The following AGAP1 variants were observed in gnomAD, a reference collection of about 807,000 sequenced individuals.
AGAP1 encodes ArfGAP with GTPase domain, ankyrin repeat and PH domain 1.
In AGAP1, 29 loss-of-function variants were observed where a neutral mutation model predicts 105.3. The ratio of observed to expected loss-of-function variants is 0.28; its 90% CI spans 0.21 to 0.38. AGAP1 has a LOEUF of 0.38. Ranked by LOEUF, AGAP1 falls within the 10% of genes least tolerant of loss-of-function variation. The pLI is 1.00. For missense variants in AGAP1, 998 were observed against 1,165.1 expected, an observed-to-expected ratio of 0.86 and a Z score of 2.09; for synonymous variants, 509 against 485.9, an observed-to-expected ratio of 1.05 and a Z score of -0.63.
chr2:235,519,687 T>G (rs1316220569), intron 1 of AGAP1, among the ~76,000 whole-genome samples: 1 of 152,202 alleles, frequency 6.6e-6, no homozygotes, highest in Non-Finnish European at 1.5e-5. Flanking sequence ...CATATATGTA[T>G]GTAGAATAAG....
At chr2:235,715,085 C>T (rs1428738304) in intron 2 of AGAP1, among the ~76,000 whole-genome samples, 1 of 152,230 alleles carries the variant, frequency 6.6e-6, no homozygotes, top group South Asian at 2.1e-4. Context: ...GCGTGAGCCA[C>T]CGTGCCCAGC....
intron 6 of AGAP1, chr2:235,775,678 A>G (rs1955806010): frequency 6.6e-6 from 1 of 152,146 alleles, no homozygotes; most frequent in Non-Finnish European, 1.5e-5. Flanking sequence ...CTAATTTAGT[A>G]ATGATGATAC....
At chr2:235,571,962 A>G (rs866790274) in intron 1 of AGAP1, among the ~76,000 whole-genome samples, 76 of 42,312 alleles carry the variant, frequency 1.8e-3, no homozygotes, top group African/African-American at 5.5e-3. Context: ...GTGTGTGTAT[A>G]CATATATATG....
intron 1 of AGAP1, among the ~76,000 whole-genome samples, chr2:235,516,076 G>T (rs192425310): frequency 9.3e-5 from 13 of 140,434 alleles, no homozygotes; most frequent in African/African-American, 3.2e-4. Flanking sequence ...TGCTGCTGCT[G>T]CTGCTGCTGC....
At chr2:235,940,367 C>T (rs778672849) in intron 12 of AGAP1, among the ~76,000 whole-genome samples, 8 of 152,216 alleles carry the variant, frequency 5.3e-5, no homozygotes, top group Non-Finnish European at 1.0e-4. Context: ...TGCCACTCCC[C>T]ACACCCACTC....
In AGAP1 at chr2:236,055,126, G is replaced by A. The variant is rs2058016631; in HGVS notation, c.2114+5845G>A. Reference sequence around the variant, plus strand: ...GCTCTTCTTTCAATTAAGTTCTCTGGGGCTTAATGGTATGAATAAACTCCT... The same window carrying A: ...GCTCTTCTTTCAATTAAGTTCTCTGAGGCTTAATGGTATGAATAAACTCCT... On this transcript the variant is annotated intron_variant, in intron 16 of 17. Transcript: ENST00000304032. This position sits in a 1 kb window ranked among gnomAD's most constrained non-coding sequence, Gnocchi z 6.2. Among the ~76,000 whole-genome samples the A allele has an allele frequency of 6.6e-6, 1 of 152,108 alleles. No individual in the cohort carries two copies. The highest frequency in any genetic ancestry group is 1.5e-5 in the Non-Finnish European group (1 of 68,032).
chr2:235,566,989 C>T lies in AGAP1; in HGVS notation c.163+72140C>T, dbSNP rs1944367540. Reference sequence around the variant, plus strand: ...TCCCATCCAGCTGCATCACTCCAGTCTCTGCTTCTGTTATCACGTGCCCTC... The same window carrying T: ...TCCCATCCAGCTGCATCACTCCAGTTTCTGCTTCTGTTATCACGTGCCCTC... On this transcript the variant is annotated intron_variant, in intron 1 of 17. Coordinates refer to ENST00000304032, the MANE Select transcript of AGAP1 (RefSeq NM_001037131.3). The surrounding 1 kb of genome is among the most constrained non-coding windows in gnomAD (Gnocchi z 5.2). Among the ~76,000 whole-genome samples the T allele has an allele frequency of 6.6e-6, 1 of 152,204 alleles. No individual in the cohort carries two copies. The highest frequency in any genetic ancestry group is 1.5e-5 in the Non-Finnish European group (1 of 68,036).
At chr2:235,539,335 C>G (rs892127462) in intron 1 of AGAP1, among the ~76,000 whole-genome samples, 2 of 152,192 alleles carry the variant, frequency 1.3e-5, no homozygotes, top group African/African-American at 2.4e-5. Context: ...CTTGACGCAT[C>G]TCAGGTAGAG....
intron 9 of AGAP1, among the ~76,000 whole-genome samples, chr2:235,815,741 A>G (rs573070830): frequency 6.6e-6 from 1 of 152,318 alleles, no homozygotes; most frequent in African/African-American, 2.4e-5. Flanking sequence ...GACTCAAAGT[A>G]CTCCGACTTG....
At chr2:236,084,953 G>A (rs1169943589) in intron 16 of AGAP1, among the ~76,000 whole-genome samples, 1 of 151,908 alleles carries the variant, frequency 6.6e-6, no homozygotes, top group African/African-American at 2.4e-5. Flanking sequence ...GGTGGCTCAC[G>A]CCTGTAATCC....
Position 235,992,878 on chromosome 2 carries a change from T to G in AGAP1, c.1645+24255T>G, listed in dbSNP as rs1162384378. 6.6e-6 allele frequency among the ~76,000 whole-genome samples: 1 copy of G among 152,172 alleles called. No homozygotes were observed. ...TTGCAGTTGAGCTTGTGTTGGCCTC[T>G]TTCCGTCGTGAACCATGGACGTCTC... On this transcript the variant is annotated intron_variant, in intron 13 of 17. Transcript: ENST00000304032. The surrounding 1 kb of genome is among the most constrained non-coding windows in gnomAD (Gnocchi z 4.8).
In AGAP1 at chr2:235,724,196, C is replaced by A. The variant is rs1037966843; in HGVS notation, c.310+6552C>A. On this transcript the variant is annotated intron_variant, in intron 3 of 17. Transcript: ENST00000304032. This position sits in a 1 kb window ranked among gnomAD's most constrained non-coding sequence, Gnocchi z 4.9. ...AAAATTTTAGGCAGAAAGCTAGCTC[C>A]AAGGCTGAGGCAGCCCTGAATGTGC... 6.6e-6 allele frequency among the ~76,000 whole-genome samples: 1 copy of A among 152,234 alleles called. No homozygotes were observed. Among genetic ancestry groups the A allele is most frequent in the African/African-American group, 2.4e-5 (1 of 41,466 alleles).
At position 235,874,274 on chromosome 2, in the gene AGAP1, C is replaced by T. The variant is rs1387544621; in HGVS notation, c.1051-9071C>T. Among the ~76,000 whole-genome samples, 1 of 152,136 alleles carries T rather than the reference C, an allele frequency of 6.6e-6. No individual in the cohort carries two copies. The highest frequency in any genetic ancestry group is 6.5e-5 in the Admixed American group (1 of 15,284). ...CCATGTTTACCGGGATGGTCTCGAT[C>T]TCCTGACCTTGTGATCTGCCGGCCT... is the stretch of plus-strand genomic sequence containing the variant. On this transcript the variant is annotated intron_variant, in intron 9 of 17. Transcript: ENST00000304032. The surrounding 1 kb of genome is among the most constrained non-coding windows in gnomAD (Gnocchi z 4.5).
intron 13 of AGAP1, among the ~76,000 whole-genome samples, chr2:236,007,257 G>C (rs1246792410): frequency 6.6e-6 from 1 of 152,210 alleles, no homozygotes; most frequent in Admixed American, 6.5e-5. Context: ...TTCCAGAGAA[G>C]TCCTTAAATG....
In AGAP1 at chr2:236,020,730, C is replaced by G. The variant is rs550850707; in HGVS notation, c.1646-15831C>G. On this transcript the variant is annotated intron_variant, in intron 13 of 17. Coordinates refer to ENST00000304032, the MANE Select transcript of AGAP1 (RefSeq NM_001037131.3). This position sits in a 1 kb window ranked among gnomAD's most constrained non-coding sequence, Gnocchi z 5.0. ...CCGTGGCTGCTATTAAATTGCTATACAGACTTATTTAATAGAAAAATGACC... is the reference window on the plus strand; with the variant it reads ...CCGTGGCTGCTATTAAATTGCTATAGAGACTTATTTAATAGAAAAATGACC... Among the ~76,000 whole-genome samples, 1 of 152,332 alleles carries G rather than the reference C, an allele frequency of 6.6e-6. No individual in the cohort carries two copies. The highest frequency in any genetic ancestry group is 1.9e-4 in the East Asian group (1 of 5,186).
In AGAP1 at chr2:235,981,215, C is replaced by T. The variant is rs998955932; in HGVS notation, c.1645+12592C>T. Among the ~76,000 whole-genome samples, 1 of 152,128 alleles carries T rather than the reference C, an allele frequency of 6.6e-6. No homozygotes were observed. The highest frequency in any genetic ancestry group is 1.5e-5 in the Non-Finnish European group (1 of 68,024). Reference sequence around the variant, plus strand: ...CTAAGCTTATATGAGGGACGAGAGCCGTAGCATTGCTCCAGCAGGTATTTC... The same window carrying T: ...CTAAGCTTATATGAGGGACGAGAGCTGTAGCATTGCTCCAGCAGGTATTTC... On this transcript the variant is annotated intron_variant, in intron 13 of 17. Coordinates refer to ENST00000304032, the MANE Select transcript of AGAP1 (RefSeq NM_001037131.3). The surrounding 1 kb of genome is among the most constrained non-coding windows in gnomAD (Gnocchi z 5.5).
chr2:235,759,442 T>C (rs188093988), intron 6 of AGAP1, among the ~76,000 whole-genome samples: 2 of 152,214 alleles, frequency 1.3e-5, no homozygotes, highest in African/African-American at 2.4e-5. Flanking sequence ...GTGCTGGGAT[T>C]ACAGGCGTGA....
At position 235,891,126 on chromosome 2, in the gene AGAP1, T is replaced by A. The variant is rs894387101; in HGVS notation, c.1155+7677T>A. 6.6e-6 allele frequency among the ~76,000 whole-genome samples: 1 copy of A among 152,094 alleles called. No homozygotes were observed. The highest frequency in any genetic ancestry group is 1.5e-5 in the Non-Finnish European group (1 of 68,002). ...GAGGGGTTCCCAGGGTGCAGGACTT[T>A]CATAGCTAACATCAGGGAAGTCCCA... On this transcript the variant is annotated intron_variant, in intron 10 of 17. Coordinates refer to ENST00000304032, the MANE Select transcript of AGAP1 (RefSeq NM_001037131.3). The surrounding 1 kb of genome is among the most constrained non-coding windows in gnomAD (Gnocchi z 4.2).
rs934311891 is a variant in AGAP1 at position 236,061,230 on chromosome 2, G to A, written c.2114+11949G>A. The stretch of plus-strand genomic sequence containing the variant: ...CCACCGCACGTGCTCTTGGACGGTC[G>A]TGGCAAGTGTTGGTGAGGAACGTGG... On this transcript the variant is annotated intron_variant, in intron 16 of 17. Coordinates refer to ENST00000304032, the MANE Select transcript of AGAP1 (RefSeq NM_001037131.3). This position sits in a 1 kb window ranked among gnomAD's most constrained non-coding sequence, Gnocchi z 4.1. Among the ~76,000 whole-genome samples the A allele has an allele frequency of 3.9e-5, 6 of 152,282 alleles. No individual in the cohort carries two copies. Among genetic ancestry groups the A allele is most frequent in the East Asian group, 3.9e-4 (2 of 5,186 alleles).
Sources: allele counts gnomAD v4.1 joint callset (sites outside exome capture counted in the v4.1 genomes callset), GRCh38; gene constraint gnomAD v4.1.1; non-coding constraint Gnocchi (gnomAD v3.1); transcripts MANE v1.5; gene names NCBI Gene and HGNC (gene_info 2026-07-23, HGNC 2026-07-21).